The following WDPCP variants were observed in gnomAD, a reference collection of about 807,000 sequenced individuals.
The protein encoded by WDPCP is WD repeat containing planar cell polarity effector, also known as WD repeat-containing and planar cell polarity effector protein fritz homolog.
WDPCP carries 71 observed loss-of-function variants against 93.1 expected under a neutral mutation model. The observed-to-expected ratio is 0.76, with a 90% CI of 0.63 to 0.93. The LOEUF is 0.93. WDPCP is among the 40% of genes least tolerant of loss of function. The pLI is 0.00. For missense variants in WDPCP, 844 were observed against 887.4 expected, an observed-to-expected ratio of 0.95 and a Z score of 0.62; for synonymous variants, 315 against 315.0, an observed-to-expected ratio of 1.00 and a Z score of 0.00.
chr2:63,808,452 C>T (rs946482785), intron 2 of WDPCP, among the ~76,000 whole-genome samples: 9 of 151,988 alleles, frequency 5.9e-5, no homozygotes, highest in Admixed American at 1.3e-4. Context: ...CCTGATTCTC[C>T]TGCCTCAGCC....
At chr2:63,244,911 G>A (rs546866610) in intron 14 of WDPCP, among the ~76,000 whole-genome samples, 1 of 152,192 alleles carries the variant, frequency 6.6e-6, no homozygotes, top group African/African-American at 2.4e-5. Flanking sequence ...AAGTTGACTA[G>A]AGAGTTTAAT....
At chr2:63,185,540 T>C (rs1030262201) in intron 14 of WDPCP, among the ~76,000 whole-genome samples, 1 of 152,186 alleles carries the variant, frequency 6.6e-6, no homozygotes, top group Non-Finnish European at 1.5e-5. Flanking sequence ...GGTGGCTTTT[T>C]CAAATGCTGT....
At chr2:63,402,588 G>C (rs1694238617) in intron 10 of WDPCP, among the ~76,000 whole-genome samples, 1 of 152,204 alleles carries the variant, frequency 6.6e-6, no homozygotes, top group South Asian at 2.1e-4. Flanking sequence ...CAGTATCACT[G>C]ATTATTAGAG....
intron 2 of WDPCP, among the ~76,000 whole-genome samples, chr2:63,753,813 C>T (rs1669916967): frequency 6.6e-6 from 1 of 152,120 alleles, no homozygotes. Context: ...GGACACAGAT[C>T]CAAACAATAT....
At chr2:63,433,989 T>G in intron 8 of WDPCP, 53 bp from the exon 9 acceptor site, 1 of 1,554,818 alleles carries the variant, frequency 6.4e-7, no homozygotes, top group Non-Finnish European at 8.8e-7. Flanking sequence ...AGATGCAAAA[T>G]CCTCAAGTAT....
At chr2:63,770,884 T>A (rs1013298005) in intron 2 of WDPCP, among the ~76,000 whole-genome samples, 2 of 152,092 alleles carry the variant, frequency 1.3e-5, no homozygotes, top group Non-Finnish European at 2.9e-5. Context: ...ACGATGTCAC[T>A]CTTCCCAATT....
At chr2:63,149,782 C>G (rs575526678) in intron 17 of WDPCP, among the ~76,000 whole-genome samples, 11 of 152,196 alleles carry the variant, frequency 7.2e-5, no homozygotes, top group African/African-American at 2.4e-4. Flanking sequence ...AGAAGTAAAA[C>G]TAAACAAGTT....
At chr2:63,734,360 A>G (rs1669608131) in intron 2 of WDPCP, among the ~76,000 whole-genome samples, 1 of 152,200 alleles carries the variant, frequency 6.6e-6, no homozygotes, top group Non-Finnish European at 1.5e-5. Context: ...ATTTACATAT[A>G]TAACCACTTT....
chr2:63,380,981 A>G (rs1182910838), intron 11 of WDPCP, among the ~76,000 whole-genome samples: 1 of 152,142 alleles, frequency 6.6e-6, no homozygotes, highest in East Asian at 1.9e-4. Context: ...AGAAAAATCT[A>G]TAAAAATGCA....
chr2:63,473,165 A>G (rs1359752821), intron 6 of WDPCP, among the ~76,000 whole-genome samples: 1 of 152,192 alleles, frequency 6.6e-6, no homozygotes, highest in Non-Finnish European at 1.5e-5. Flanking sequence ...CTACCTTTTC[A>G]GAGAGAACTG....
At chr2:63,811,720 A>T (rs1670865136) in intron 2 of WDPCP, among the ~76,000 whole-genome samples, 1 of 151,756 alleles carries the variant, frequency 6.6e-6, no homozygotes, top group African/African-American at 2.4e-5. Flanking sequence ...GGTACTGAGC[A>T]TAGTACCCAA....
At chr2:63,250,908 C>T (rs1680658812) in intron 14 of WDPCP, among the ~76,000 whole-genome samples, 1 of 152,158 alleles carries the variant, frequency 6.6e-6, no homozygotes, top group African/African-American at 2.4e-5. Context: ...AGAGCACTGG[C>T]TCTCAATTTT....
intron 3 of WDPCP, among the ~76,000 whole-genome samples, chr2:63,640,835 T>A (rs1709973216): frequency 6.6e-6 from 1 of 152,188 alleles, no homozygotes; most frequent in African/African-American, 2.4e-5. Flanking sequence ...TATACTTTTT[T>A]AGTTATTTTT....
At chr2:63,720,473 A>T (rs760709150) in intron 2 of WDPCP, among the ~76,000 whole-genome samples, 26 of 151,878 alleles carry the variant, frequency 1.7e-4, no homozygotes, top group East Asian at 5.8e-4. Flanking sequence ...ATCCTCAATT[A>T]AAAAAAATCA....
intron 2 of WDPCP, among the ~76,000 whole-genome samples, chr2:63,489,110 T>A (rs903972923): frequency 6.6e-6 from 1 of 152,086 alleles, no homozygotes; most frequent in Admixed American, 6.6e-5. Flanking sequence ...CAACCCAACA[T>A]GGTATATCAA....
At chr2:63,636,929 A>T (rs1010844058) in intron 3 of WDPCP, among the ~76,000 whole-genome samples, 2 of 152,238 alleles carry the variant, frequency 1.3e-5, no homozygotes, top group African/African-American at 4.8e-5. Flanking sequence ...CTCAAATTGG[A>T]TTTAACATTT....
chr2:63,301,150 C>A (rs1441248376), intron 13 of WDPCP, among the ~76,000 whole-genome samples: 1 of 152,186 alleles, frequency 6.6e-6, no homozygotes, highest in Non-Finnish European at 1.5e-5. Flanking sequence ...ATACCCTAGC[C>A]TCTCAATTAT....
intron 1 of WDPCP, among the ~76,000 whole-genome samples, chr2:63,582,000 A>G (rs988671840): frequency 2.0e-5 from 3 of 152,064 alleles, no homozygotes; most frequent in Admixed American, 6.6e-5. Flanking sequence ...ATCTTAAAAA[A>G]AAAAAAAAAG....
At chr2:63,661,186 G>T (rs910216105) in intron 2 of WDPCP, among the ~76,000 whole-genome samples, 3 of 152,124 alleles carry the variant, frequency 2.0e-5, no homozygotes, top group African/African-American at 7.2e-5. Flanking sequence ...TTTGCTTTAG[G>T]ATCTCTCACA....
Sources: gnomAD v4.1 joint callset for allele counts (sites outside exome capture counted in the v4.1 genomes callset) on GRCh38, gnomAD v4.1.1 for gene constraint, MANE v1.5 for transcripts, NCBI Gene and HGNC (gene_info 2026-07-23, HGNC 2026-07-21) for gene names.